SPAG16: variants seen among roughly 807,000 people sequenced by gnomAD.
SPAG16 encodes the protein sperm-associated antigen 16 protein.
A neutral mutation model predicts 80.4 loss-of-function variants in SPAG16; 86 were observed. That is an observed-to-expected ratio of 1.07 (90% CI 0.90 to 1.28). The LOEUF (loss-of-function observed/expected upper bound fraction) is 1.28, where lower values mean the gene tolerates loss of function less well. SPAG16 is among the 50% of genes most tolerant of loss of function. The pLI is 0.00. For synonymous variants in SPAG16, 294 were observed against 265.9 expected (o/e 1.11, Z -1.03); for missense variants, 870 against 765.3 (o/e 1.14, Z -1.61).
At chr2:213,784,736 A>G (rs1368251531) in intron 10 of SPAG16, among the ~76,000 whole-genome samples, 1 of 151,092 alleles carries the variant, frequency 6.6e-6, no homozygotes, top group Non-Finnish European at 1.5e-5. Flanking sequence ...AGAGAAGCAC[A>G]TGTCCTAAAG....
At chr2:214,030,256 C>T (rs541692579) in intron 13 of SPAG16, among the ~76,000 whole-genome samples, 16 of 152,250 alleles carry the variant, frequency 1.1e-4, no homozygotes, top group Admixed American at 9.8e-4. Context: ...GATTATTTCA[C>T]TTAGCACAAT....
chr2:214,327,781 A>G (rs909544396), intron 15 of SPAG16, among the ~76,000 whole-genome samples: 9 of 152,208 alleles, frequency 5.9e-5, no homozygotes, highest in Non-Finnish European at 8.8e-5. Flanking sequence ...AATAAGAAGA[A>G]AAACTTTGGT....
In SPAG16 at chr2:213,666,455, T is replaced by C. The variant is rs191436151; in HGVS notation, c.1070+176365T>C. Among the ~76,000 whole-genome samples, 3 of 152,322 alleles carry C rather than the reference T, an allele frequency of 2.0e-5. No homozygotes were observed. In the East Asian group the frequency reaches 5.8e-4, roughly 29 times the overall value. ...GATATCATTAGTTATCCCACCTATATGCTTAGTCTTATAAAACCTAGGACT... is the reference window on the plus strand; with the variant it reads ...GATATCATTAGTTATCCCACCTATACGCTTAGTCTTATAAAACCTAGGACT... On this transcript the variant is annotated intron_variant, in intron 10 of 15. Transcript: ENST00000331683.
At position 213,968,244 on chromosome 2, in the gene SPAG16, A is replaced by G. The variant is rs117410379; in HGVS notation, c.1400+38099A>G. Among the ~76,000 whole-genome samples the G allele has an allele frequency of 7.6e-3, 1,156 of 151,194 alleles. 25 individuals are homozygous for G. Among genetic ancestry groups the G allele is most frequent in the East Asian group, 0.054 (277 of 5,100 alleles). On this transcript the variant is annotated intron_variant, in intron 12 of 15. Transcript: ENST00000331683. ...GGCTGGAGTGTAACGGCGAGATCTC[A>G]TCTCACTGCAATCTCCGCCTCCCAA...
intron 13 of SPAG16, among the ~76,000 whole-genome samples, chr2:214,051,777 C>A (rs1425452856): frequency 6.6e-6 from 1 of 152,164 alleles, no homozygotes; most frequent in African/African-American, 2.4e-5. Context: ...CAGGTGACAC[C>A]TTTGCAATGA....
intron 10 of SPAG16, among the ~76,000 whole-genome samples, chr2:213,671,035 A>T (rs767633269): frequency 6.6e-6 from 1 of 152,218 alleles, no homozygotes; most frequent in African/African-American, 2.4e-5. Flanking sequence ...CAAATTATTC[A>T]TTGCTATCAT....
chr2:213,397,474 A>G (rs1224195341), intron 9 of SPAG16, among the ~76,000 whole-genome samples: 1 of 151,910 alleles, frequency 6.6e-6, no homozygotes, highest in Admixed American at 6.6e-5. Flanking sequence ...CCTTTTTGTT[A>G]TGGGCACCTC....
At chr2:214,215,047 A>T (rs931090487) in intron 15 of SPAG16, among the ~76,000 whole-genome samples, 3 of 152,042 alleles carry the variant, frequency 2.0e-5, no homozygotes, top group Non-Finnish European at 4.4e-5. Flanking sequence ...AGTGATGACA[A>T]TATTAAATTT....
chr2:213,403,986 A>G (rs2068470825), intron 9 of SPAG16, among the ~76,000 whole-genome samples: 2 of 152,172 alleles, frequency 1.3e-5, no homozygotes, highest in South Asian at 4.1e-4. Context: ...AATACCTAGG[A>G]ATCCAACTTA....
At chr2:214,177,047 G>C (rs905546300) in intron 15 of SPAG16, among the ~76,000 whole-genome samples, 3 of 150,962 alleles carry the variant, frequency 2.0e-5, no homozygotes, top group Non-Finnish European at 4.5e-5. Context: ...AATTATTTAA[G>C]AATTAAGATT....
intron 11 of SPAG16, among the ~76,000 whole-genome samples, chr2:213,905,172 A>C (rs1369637002): frequency 6.6e-6 from 1 of 152,318 alleles, no homozygotes; most frequent in African/African-American, 2.4e-5. Flanking sequence ...AAGATAAGAC[A>C]TATGATTTTT....
intron 15 of SPAG16, among the ~76,000 whole-genome samples, chr2:214,335,483 T>G (rs143770547): frequency 1.5e-5 from 2 of 136,452 alleles, no homozygotes; most frequent in South Asian, 2.6e-4. Context: ...TATATATATA[T>G]AGATATATAT....
rs111719010 is a variant in SPAG16 at position 213,899,814 on chromosome 2, T to A, written c.1215-30146T>A. 6.6e-3 allele frequency among the ~76,000 whole-genome samples: 1,004 copies of A among 152,220 alleles called. 9 individuals are homozygous for A. Among genetic ancestry groups the A allele is most frequent in the South Asian group, 0.016 (78 of 4,826 alleles). ...TGAATGCTTCTTCTCAAATATGCAA[T>A]AAAGAGGTTTTTTTCTATTTTTACC... is the stretch of plus-strand genomic sequence containing the variant. On this transcript the variant is annotated intron_variant, in intron 11 of 15. Coordinates refer to ENST00000331683, the MANE Select transcript of SPAG16 (RefSeq NM_024532.5).
chr2:213,719,172 A>G (rs1269567776), intron 10 of SPAG16, among the ~76,000 whole-genome samples: 1 of 152,140 alleles, frequency 6.6e-6, no homozygotes, highest in Non-Finnish European at 1.5e-5. Context: ...AAATACACCA[A>G]TCAGCACCCT....
intron 9 of SPAG16, among the ~76,000 whole-genome samples, chr2:213,378,883 A>C (rs2067024738): frequency 6.6e-6 from 1 of 152,202 alleles, no homozygotes; most frequent in South Asian, 2.1e-4. Context: ...GGCAATACTA[A>C]GAGACATCCT....
intron 15 of SPAG16, among the ~76,000 whole-genome samples, chr2:214,378,871 T>C (rs1353444207): frequency 1.3e-5 from 2 of 152,226 alleles, no homozygotes; most frequent in African/African-American, 4.8e-5. Context: ...ATGTTTCCCC[T>C]TGCTCTATAA....
At chr2:213,417,527 T>C (rs2069328729) in intron 9 of SPAG16, among the ~76,000 whole-genome samples, 1 of 152,260 alleles carries the variant, frequency 6.6e-6, no homozygotes, top group East Asian at 1.9e-4. Context: ...TAACTTGCTT[T>C]GTTAAAAACT....
intron 15 of SPAG16, among the ~76,000 whole-genome samples, chr2:214,339,700 T>C (rs1697535935): frequency 6.6e-6 from 1 of 152,218 alleles, no homozygotes; most frequent in Non-Finnish European, 1.5e-5. Context: ...ATTTCTCACT[T>C]TTAGAAACTG....
At chr2:213,696,366 G>A (rs1347740067) in intron 10 of SPAG16, among the ~76,000 whole-genome samples, 1 of 152,164 alleles carries the variant, frequency 6.6e-6, no homozygotes, top group Non-Finnish European at 1.5e-5. Flanking sequence ...GTTCAGAAGA[G>A]AGGTCAGCAC....
Sources: allele counts gnomAD v4.1 joint callset (sites outside exome capture counted in the v4.1 genomes callset), GRCh38; gene constraint gnomAD v4.1.1; transcripts MANE v1.5; gene names NCBI Gene and HGNC (gene_info 2026-07-23, HGNC 2026-07-21).